Variants in NRXN1 observed in about 807,000 individuals in gnomAD.
NRXN1 encodes the protein neurexin-1.
A neutral mutation model predicts 150.9 loss-of-function variants in NRXN1; 39 were observed. That is an observed-to-expected ratio of 0.26 (90% confidence interval 0.20 to 0.34). The LOEUF (loss-of-function observed/expected upper bound fraction) is 0.34, where lower values mean the gene tolerates loss of function less well. NRXN1 is among the 10% of genes least tolerant of loss of function. NRXN1 has a pLI of 1.00. For synonymous variants in NRXN1, 924 were observed against 757.0 expected (o/e 1.22, Z -3.62); for missense variants, 1,815 against 1,949.9 (o/e 0.93, Z 1.30).
chr2:50,054,246 G>A (rs1189445291), intron 20 of NRXN1, among the ~76,000 whole-genome samples: 2 of 150,050 alleles, frequency 1.3e-5, no homozygotes, highest in Admixed American at 6.7e-5. Context: ...AAAACAAAAT[G>A]AAAAAAAAAA....
intron 17 of NRXN1, among the ~76,000 whole-genome samples, chr2:50,446,898 T>G (rs1024451656): frequency 6.6e-6 from 1 of 152,118 alleles, no homozygotes; most frequent in African/African-American, 2.4e-5. Context: ...GCCCAAGTAA[T>G]TGTGCCTTGT....
intron 2 of NRXN1, among the ~76,000 whole-genome samples, chr2:51,020,622 T>G (rs1477186675): frequency 2.0e-5 from 3 of 152,040 alleles, no homozygotes; most frequent in African/African-American, 7.2e-5. Context: ...TATTATCTAC[T>G]CGCAAACAAT....
rs1248809009 is a variant in NRXN1, at chr2:49,942,768, C to G, written c.4216+936G>C. Reference sequence around the variant, plus strand: ...GGGATTACAGGTGCACAGCACCACACCTGGCTGATTTTTCTATTTTTGGCA... The same window carrying G: ...GGGATTACAGGTGCACAGCACCACAGCTGGCTGATTTTTCTATTTTTGGCA... On this transcript the variant is annotated intron_variant, in intron 22 of 22. Transcript: ENST00000401669. 2.0e-5 allele frequency among the ~76,000 whole-genome samples: 3 copies of G among 152,190 alleles called. No homozygotes were observed. In the East Asian group the frequency reaches 5.8e-4, roughly 30 times the overall value.
At chr2:50,751,017 G>C (rs1700534581) in intron 5 of NRXN1, among the ~76,000 whole-genome samples, 1 of 151,888 alleles carries the variant, frequency 6.6e-6, no homozygotes, top group African/African-American at 2.4e-5. Context: ...AAGATATTCT[G>C]ATTTAAAAGG....
At chr2:50,699,361 T>A (rs1242070217) in intron 5 of NRXN1, among the ~76,000 whole-genome samples, 1 of 152,148 alleles carries the variant, frequency 6.6e-6, no homozygotes, top group African/African-American at 2.4e-5. Flanking sequence ...AAGACGTAAT[T>A]AATGTTATAG....
At chr2:50,634,930 G>T (rs986420358) in intron 5 of NRXN1, among the ~76,000 whole-genome samples, 3 of 152,078 alleles carry the variant, frequency 2.0e-5, no homozygotes, top group African/African-American at 7.2e-5. Context: ...CCCAACAGCA[G>T]TCAACAACAT....
intron 17 of NRXN1, among the ~76,000 whole-genome samples, chr2:50,458,711 C>G (rs2087848255): frequency 6.6e-6 from 1 of 151,862 alleles, no homozygotes; most frequent in Non-Finnish European, 1.5e-5. Flanking sequence ...TCCTGAGTAG[C>G]TGGAATTACA....
chr2:50,957,337 T>G (rs1331434981), intron 2 of NRXN1, among the ~76,000 whole-genome samples: 1 of 152,132 alleles, frequency 6.6e-6, no homozygotes, highest in Non-Finnish European at 1.5e-5. Context: ...TCATAATAAC[T>G]TACATAAATT....
chr2:50,143,418 A>T (rs943786419), intron 18 of NRXN1, among the ~76,000 whole-genome samples: 2 of 151,932 alleles, frequency 1.3e-5, no homozygotes, highest in African/African-American at 2.4e-5. Flanking sequence ...CATGCTATCG[A>T]GGGAATTTAG....
At chr2:50,352,978 G>A (rs977646210) in intron 17 of NRXN1, among the ~76,000 whole-genome samples, 5 of 151,858 alleles carry the variant, frequency 3.3e-5, no homozygotes, top group Non-Finnish European at 7.4e-5. Flanking sequence ...GGTGAATTCA[G>A]TCAACTTAGC....
At chr2:50,394,750 C>T (rs2081956197) in intron 17 of NRXN1, among the ~76,000 whole-genome samples, 1 of 152,044 alleles carries the variant, frequency 6.6e-6, no homozygotes, top group Admixed American at 6.6e-5. Flanking sequence ...CTTTCTAACA[C>T]ACTTAGGGTA....
At chr2:50,023,243 T>C (rs1299162827) in intron 21 of NRXN1, 1 of 152,212 alleles carries the variant, frequency 6.6e-6, no homozygotes, top group Non-Finnish European at 1.5e-5. Flanking sequence ...TAGGTGCTGC[T>C]CTTTCCTAAA....
intron 21 of NRXN1, chr2:49,972,562 C>T (rs957407045): frequency 1.3e-5 from 2 of 152,058 alleles, no homozygotes; most frequent in African/African-American, 2.4e-5. Context: ...TTTTATATTT[C>T]GATGCTACTA....
chr2:50,224,146 A>G (rs576829051), intron 18 of NRXN1, among the ~76,000 whole-genome samples: 1 of 151,972 alleles, frequency 6.6e-6, no homozygotes, highest in Non-Finnish European at 1.5e-5. Flanking sequence ...CACTACAAAG[A>G]CTCACTGGTT....
intron 17 of NRXN1, among the ~76,000 whole-genome samples, chr2:50,274,596 G>C (rs2070183220): frequency 6.6e-6 from 1 of 152,026 alleles, no homozygotes; most frequent in Non-Finnish European, 1.5e-5. Context: ...GACTGAAAAA[G>C]AGATAGAAGG....
chr2:50,983,806 T>C (rs1435140809), intron 2 of NRXN1, among the ~76,000 whole-genome samples: 3 of 152,110 alleles, frequency 2.0e-5, no homozygotes, highest in Non-Finnish European at 4.4e-5. Context: ...GACTTTCACC[T>C]TCTTCAAGAT....
intron 18 of NRXN1, among the ~76,000 whole-genome samples, chr2:50,102,341 G>A (rs1272764776): frequency 1.3e-5 from 2 of 151,972 alleles, no homozygotes; most frequent in Admixed American, 6.6e-5. Context: ...CTGATAAAAT[G>A]TGTGTTGCTG....
chr2:50,218,030 C>G (rs1447667674), intron 18 of NRXN1, among the ~76,000 whole-genome samples: 1 of 152,060 alleles, frequency 6.6e-6, no homozygotes, highest in Non-Finnish European at 1.5e-5. Flanking sequence ...CTCTCCCATA[C>G]ATACCTGAAC....
intron 5 of NRXN1, among the ~76,000 whole-genome samples, chr2:50,710,654 T>C (rs1208336388): frequency 6.6e-6 from 1 of 152,182 alleles, no homozygotes; most frequent in Non-Finnish European, 1.5e-5. Flanking sequence ...TTAAAAAGTG[T>C]CAAAAATAAA....
Sources: allele counts gnomAD v4.1 joint callset (sites outside exome capture counted in the v4.1 genomes callset), GRCh38; gene constraint gnomAD v4.1.1; transcripts MANE v1.5; gene names NCBI Gene and HGNC (gene_info 2026-07-23, HGNC 2026-07-21).